Variants in SLC24A2 observed in about 807,000 individuals in gnomAD.
SLC24A2 encodes the protein sodium/potassium/calcium exchanger 2.
A neutral mutation model predicts 62.0 loss-of-function variants in SLC24A2; 36 were observed. That is an observed-to-expected ratio of 0.58 (90% CI 0.44 to 0.77). SLC24A2 has a LOEUF of 0.77. Among genes scored for constraint, SLC24A2 ranks in the 30% least tolerant of loss-of-function variants. The pLI, the probability that SLC24A2 is intolerant of heterozygous loss-of-function variation, is 0.00. For synonymous variants in SLC24A2, 358 were observed against 294.0 expected (o/e 1.22, Z -2.23); for missense variants, 846 against 817.9 (o/e 1.03, Z -0.42).
At chr9:19,728,042 C>G (rs1017962868) in intron 2 of SLC24A2, among the ~76,000 whole-genome samples, 1 of 152,080 alleles carries the variant, frequency 6.6e-6, no homozygotes, top group African/African-American at 2.4e-5. Context: ...CACTGCTTGC[C>G]AGGTAAGGAA....
chr9:20,077,322 A>T, the SLC24A2 span, among the ~76,000 whole-genome samples: 1 of 152,164 alleles, frequency 6.6e-6, no homozygotes, highest in African/African-American at 2.4e-5. Flanking sequence ...ACTATGTGAG[A>T]TGATAACTAT....
At chr9:19,807,864 T>C in the SLC24A2 span, among the ~76,000 whole-genome samples, 1 of 152,214 alleles carries the variant, frequency 6.6e-6, no homozygotes, top group Non-Finnish European at 1.5e-5. Flanking sequence ...ACCCCACTCG[T>C]TTTTTGTTTG....
the SLC24A2 span, among the ~76,000 whole-genome samples, chr9:20,016,496 C>T: frequency 1.3e-5 from 2 of 152,140 alleles, no homozygotes; most frequent in African/African-American, 4.8e-5. Context: ...TCCATTCACC[C>T]ATATCCATTC....
At chr9:19,999,321 T>C in the SLC24A2 span, among the ~76,000 whole-genome samples, 1 of 152,200 alleles carries the variant, frequency 6.6e-6, no homozygotes, top group African/African-American at 2.4e-5. Context: ...TCCCAGTTAA[T>C]TGGGTGTCCT....
At chr9:19,695,683 A>C (rs1820170471) in intron 2 of SLC24A2, among the ~76,000 whole-genome samples, 1 of 104,214 alleles carries the variant, frequency 9.6e-6, no homozygotes, top group Admixed American at 1.0e-4. Flanking sequence ...TAGTAGCAAA[A>C]AAAAAAAAAA....
At chr9:19,907,455 T>C in the SLC24A2 span, among the ~76,000 whole-genome samples, 1 of 152,138 alleles carries the variant, frequency 6.6e-6, no homozygotes, top group Admixed American at 6.5e-5. Context: ...CTATTCAACA[T>C]AGTGTTGGAA....
the SLC24A2 span, among the ~76,000 whole-genome samples, chr9:20,133,247 C>T: frequency 6.6e-6 from 1 of 152,132 alleles, no homozygotes; most frequent in Non-Finnish European, 1.5e-5. Context: ...TGTATACACA[C>T]ACACACACAC....
the SLC24A2 span, among the ~76,000 whole-genome samples, chr9:19,847,165 T>C: frequency 2.6e-5 from 4 of 152,178 alleles, no homozygotes; most frequent in African/African-American, 9.6e-5. Context: ...TGCAAGTAAA[T>C]ATGTGGCATA....
the SLC24A2 span, among the ~76,000 whole-genome samples, chr9:19,998,793 T>G: frequency 1.6e-4 from 24 of 152,192 alleles, 1 homozygote; most frequent in Non-Finnish European, 3.5e-4. Context: ...GGATTCAGAT[T>G]TTGTGTGCTT....
chr9:20,282,568 GC>G, the SLC24A2 span, among the ~76,000 whole-genome samples: 2 of 152,140 alleles, frequency 1.3e-5, no homozygotes, highest in Non-Finnish European at 2.9e-5. Context: ...CCTGACAGAT[GC>G]CAGCAGCAAC....
intron 2 of SLC24A2, among the ~76,000 whole-genome samples, chr9:19,665,562 T>C (rs1286035445): frequency 6.6e-6 from 1 of 152,152 alleles, no homozygotes; most frequent in Non-Finnish European, 1.5e-5. Flanking sequence ...GTATTGCCTG[T>C]AATGCAACAC....
the SLC24A2 span, among the ~76,000 whole-genome samples, chr9:19,909,233 C>G: frequency 6.7e-6 from 1 of 149,154 alleles, no homozygotes; most frequent in Non-Finnish European, 1.5e-5. Flanking sequence ...ATCACAAGGA[C>G]AAAAAACCAA....
chr9:19,739,923 T>A (rs967428244), intron 2 of SLC24A2, among the ~76,000 whole-genome samples: 7 of 152,186 alleles, frequency 4.6e-5, no homozygotes, highest in African/African-American at 1.7e-4. Context: ...TCCAATATAA[T>A]ATCTATATCC....
At chr9:20,099,748 G>A in the SLC24A2 span, among the ~76,000 whole-genome samples, 1 of 152,106 alleles carries the variant, frequency 6.6e-6, no homozygotes, top group Non-Finnish European at 1.5e-5. Context: ...CACTTCCTAG[G>A]TACCTCAATT....
the SLC24A2 span, among the ~76,000 whole-genome samples, chr9:19,961,998 A>T: frequency 1.3e-5 from 2 of 152,208 alleles, no homozygotes; most frequent in East Asian, 1.9e-4. Context: ...ATGTTGTTTT[A>T]AGCTGCTATG....
At chr9:19,743,987 G>C (rs1030016363) in intron 2 of SLC24A2, among the ~76,000 whole-genome samples, 2 of 152,208 alleles carry the variant, frequency 1.3e-5, no homozygotes, top group Non-Finnish European at 2.9e-5. Flanking sequence ...GCCCTTAAGA[G>C]ACCAAAACCC....
the SLC24A2 span, among the ~76,000 whole-genome samples, chr9:20,261,858 G>C: frequency 3.5e-5 from 5 of 143,890 alleles, no homozygotes; most frequent in African/African-American, 7.8e-5. Context: ...TCCTGCCTCA[G>C]CCTCCCGAGT....
At chr9:19,549,121 ATG>A (rs993419489) in intron 8 of SLC24A2, among the ~76,000 whole-genome samples, 1 of 152,228 alleles carries the variant, frequency 6.6e-6, no homozygotes, top group African/African-American at 2.4e-5. Flanking sequence ...AGCACCCAGT[ATG>A]TGATAATGGT....
At chr9:19,859,798 G>A in the SLC24A2 span, among the ~76,000 whole-genome samples, 1 of 152,158 alleles carries the variant, frequency 6.6e-6, no homozygotes, top group Admixed American at 6.5e-5. Context: ...GAGTGTGAGA[G>A]CCAGCAACTG....
Sources: gnomAD v4.1 joint callset for allele counts (sites outside exome capture counted in the v4.1 genomes callset) on GRCh38, gnomAD v4.1.1 for gene constraint, MANE v1.5 for transcripts, NCBI Gene and HGNC (gene_info 2026-07-23, HGNC 2026-07-21) for gene names.